The following USP28 variants were observed in gnomAD, a reference collection of about 807,000 sequenced individuals.
The protein encoded by USP28 is ubiquitin specific peptidase 28.
In USP28, 113 loss-of-function variants were observed where a neutral mutation model predicts 145.0. The observed-to-expected ratio is 0.78, with a 90% CI of 0.67 to 0.91. USP28 has a LOEUF of 0.91. Among genes scored for constraint, USP28 ranks in the 40% least tolerant of loss-of-function variants. The probability of loss-of-function intolerance (pLI) is 0.00; values close to 1 mark genes in which losing one functional copy is unlikely to be tolerated. For missense variants in USP28, 1,201 were observed against 1,289.6 expected (o/e 0.93, Z 1.05); for synonymous variants, 447 against 450.9 (o/e 0.99, Z 0.11).
chr11:113,810,869 T>G (rs1353646913), intron 16 of USP28, among the ~76,000 whole-genome samples: 1 of 152,142 alleles, frequency 6.6e-6, no homozygotes, highest in African/African-American at 2.4e-5. Flanking sequence ...GACACAGGGT[T>G]TTACCATGTT....
chr11:113,808,415 A>G lies in USP28; in HGVS notation c.2187T>C (p.His729=), dbSNP rs368917609. 25 of 1,614,022 alleles carry G rather than the reference A, an allele frequency of 1.5e-5. No homozygotes were observed. In the African/African-American group the frequency reaches 3.2e-4, roughly 21 times the overall value. The change falls in exon 18 of 25, where the codon CAT becomes CAC. Residue 729 remains histidine, a synonymous_variant. Coordinates refer to ENST00000003302, the Ensembl canonical transcript of USP28. ...GCTCAGACGACAAGCAGCGAACCCC[A>G]TGAGAAGAGGCTACTGAAGGCTCTG...
intron 3 of USP28, among the ~76,000 whole-genome samples, chr11:113,846,765 CG>C (rs1406691246): frequency 2.0e-5 from 3 of 152,122 alleles, no homozygotes; most frequent in African/African-American, 7.2e-5. Context: ...CTGAGGCAGG[CG>C]GATCACCTGA....
At chr11:113,840,920 G>GAAAAGC (rs1945129266) in intron 4 of USP28, among the ~76,000 whole-genome samples, 163 bp from the exon 5 acceptor site, 1 of 152,168 alleles carries the variant, frequency 6.6e-6, no homozygotes, top group Non-Finnish European at 1.5e-5. Context: ...TAATGCAACT[G>GAAAAGC]AAAAGCAAGA....
chr11:113,799,424 G>A lies in USP28; in HGVS notation c.3059-9C>T. 6.2e-7 allele frequency: 1 copy of A among 1,610,016 alleles called. No homozygotes were observed. The highest frequency in any genetic ancestry group is 8.5e-7 in the Non-Finnish European group (1 of 1,179,102). On this transcript the variant is annotated splice_polypyrimidine_tract_variant and intron_variant, in intron 24 of 24. Coordinates refer to ENST00000003302, the Ensembl canonical transcript of USP28. ...GCACAGCTGCAGATTTTCTGTGGAG[G>A]GAAAACAGATGGTTACATATACAGC...
At chr11:113,871,327 C>T (rs921828930) in intron 1 of USP28, among the ~76,000 whole-genome samples, 4 of 152,086 alleles carry the variant, frequency 2.6e-5, no homozygotes, top group East Asian at 1.9e-4. Context: ...GTGAAGGTGT[C>T]TGGGGGTTAG....
intron 3 of USP28, among the ~76,000 whole-genome samples, chr11:113,851,784 CAA>C (rs796520144): frequency 0.028 from 2,635 of 92,984 alleles, 76 homozygotes; most frequent in African/African-American, 0.087. Context: ...GACTCCATCT[CAA>C]AAAAAAAAAA....
At chr11:113,803,123 CA>C in intron 23 of USP28, 34 bp downstream of exon 24, 2 of 1,584,228 alleles carry the variant, frequency 1.3e-6, no homozygotes, top group South Asian at 1.1e-5. Context: ...AGGTAAACAA[CA>C]AAAAAACCTT....
chr11:113,809,896 G>A (rs147770951), intron 16 of USP28, among the ~76,000 whole-genome samples: 56 of 152,180 alleles, frequency 3.7e-4, no homozygotes, highest in African/African-American at 1.2e-3. Context: ...TTAGTCAAGC[G>A]TGGTGGCGCA....
At chr11:113,819,458 C>T (rs751384815) in intron 12 of USP28, among the ~76,000 whole-genome samples, 12 of 151,926 alleles carry the variant, frequency 7.9e-5, no homozygotes, top group South Asian at 6.2e-4. Context: ...GTACCTGGTA[C>T]GAAAATTCAA....
At chr11:113,801,668 G>A in exon 24 of USP28, 3 of 1,574,562 alleles carry the variant, frequency 1.9e-6, no homozygotes, top group Non-Finnish European at 2.6e-6. Flanking sequence ...AGCTGCTTTG[G>A]CATTCAGCTC....
chr11:113,812,173 T>C (rs1338015794), intron 16 of USP28, 103 bp downstream of exon 16: 3 of 715,330 alleles, frequency 4.2e-6, no homozygotes, highest in Non-Finnish European at 6.7e-6. Flanking sequence ...TATTATTATA[T>C]AATAGTAAGT....
intron 1 of USP28, among the ~76,000 whole-genome samples, chr11:113,861,261 C>A (rs1010241977): frequency 6.6e-6 from 1 of 152,102 alleles, no homozygotes; most frequent in Non-Finnish European, 1.5e-5. Context: ...CCCTGCTGAT[C>A]CAATTTATTC....
chr11:113,869,296 G>A (rs906688538), intron 1 of USP28, among the ~76,000 whole-genome samples: 11 of 152,224 alleles, frequency 7.2e-5, no homozygotes, highest in African/African-American at 2.7e-4. Flanking sequence ...AGGCGTGGTG[G>A]CATGTGCCTG....
intron 1 of USP28, among the ~76,000 whole-genome samples, chr11:113,866,065 A>G (rs1016314275): frequency 6.6e-6 from 1 of 152,226 alleles, no homozygotes. Context: ...CGGGAGGCCA[A>G]TGTGGATCAC....
At chr11:113,852,926 G>A (rs1946636275) in intron 2 of USP28, among the ~76,000 whole-genome samples, 1 of 152,036 alleles carries the variant, frequency 6.6e-6, no homozygotes, top group South Asian at 2.1e-4. Context: ...TGATTTCTCT[G>A]AACAGTCTAA....
chr11:113,831,886 C>A, intron 8 of USP28, 34 bp downstream of exon 8: 1 of 1,598,558 alleles, frequency 6.3e-7, no homozygotes, highest in East Asian at 2.2e-5. Context: ...CACTGTGAGT[C>A]GGAAGGATGT....
chr11:113,814,698 G>A (rs997452043), intron 14 of USP28, among the ~76,000 whole-genome samples: 2 of 151,962 alleles, frequency 1.3e-5, no homozygotes, highest in Admixed American at 6.6e-5. Context: ...GGGGGTGTGT[G>A]AGCCAAGTTT....
At position 113,799,305 on chromosome 11, in the gene USP28, G is replaced by T. The variant is rs1205948986; in HGVS notation, c.3169C>A (p.Leu1057Ile). ...ATGACAGCTGCAAATCGGCTACATA[G>T]GTCATAGGGAGAATTGGGTCGAATA... Residue 1057 changes from leucine to isoleucine, a missense_variant, in exon 25 of 25, where the codon CTA (leucine) becomes ATA (isoleucine). Transcript: ENST00000003302. 6 of 1,614,170 alleles carry T rather than the reference G, an allele frequency of 3.7e-6. No homozygotes were observed. The South Asian group carries it at 4.4e-5, about 12-fold the overall frequency.
At chr11:113,826,302 G>C (rs371292787) in intron 11 of USP28, among the ~76,000 whole-genome samples, 1 of 103,488 alleles carries the variant, frequency 9.7e-6, no homozygotes, top group Non-Finnish European at 2.0e-5. Flanking sequence ...AAAAAAGAAA[G>C]AAAGAAAAGA....
Sources: gnomAD v4.1 joint callset for allele counts (sites outside exome capture counted in the v4.1 genomes callset) on GRCh38, gnomAD v4.1.1 for gene constraint, MANE v1.5 for transcripts, NCBI Gene and HGNC (gene_info 2026-07-23, HGNC 2026-07-21) for gene names.